MAMDC4: variants seen among roughly 807,000 people sequenced by gnomAD.
MAMDC4 encodes the protein apical endosomal glycoprotein.
In MAMDC4, 168 loss-of-function variants were observed where a neutral mutation model predicts 153.3. The observed-to-expected ratio is 1.10, with a 90% confidence interval of 0.97 to 1.25. The LOEUF (loss-of-function observed/expected upper bound fraction) is 1.25, where lower values mean the gene tolerates loss of function less well. Among genes scored for constraint, MAMDC4 ranks in the 50% most tolerant of loss-of-function variants. The pLI is 0.00. For missense variants in MAMDC4, 1,701 were observed against 1,542.8 expected (o/e 1.10, Z -1.72); for synonymous variants, 744 against 651.5 (o/e 1.14, Z -2.16).
Position 136,856,698 on chromosome 9 carries a change from C to T in MAMDC4, c.1721-12C>T, listed in dbSNP as rs1468645189. 6.2e-6 allele frequency: 10 copies of T among 1,611,452 alleles called. No homozygotes were observed. Among genetic ancestry groups the T allele is most frequent in the Non-Finnish European group, 8.5e-6 (10 of 1,179,004 alleles). The stretch of plus-strand genomic sequence containing the variant: ...GGAGAAGGTGTGTGACGCCACCTGG[C>T]CCCACCCCCAGAGGTCTCCTGTAAC... On this transcript the variant is annotated splice_polypyrimidine_tract_variant and intron_variant, in intron 14 of 26. Transcript: ENST00000317446.
chr9:136,860,207 C>T (rs1028230583), intron 26 of MAMDC4, 143 bp downstream of exon 26: 4 of 998,348 alleles, frequency 4.0e-6, no homozygotes, highest in East Asian at 2.6e-5. Flanking sequence ...CCTGCCTCTC[C>T]CAGCCACCAC....
chr9:136,852,570 G>A (rs1848942048), intron 1 of MAMDC4, 108 bp downstream of exon 1: 5 of 1,399,720 alleles, frequency 3.6e-6, no homozygotes, highest in African/African-American at 1.4e-5. Flanking sequence ...AGCCCCAAAG[G>A]GAAGGAGGGT....
In MAMDC4 at chr9:136,858,749, T is replaced by C. The variant is rs774225965; in HGVS notation, c.2852T>C (p.Leu951Pro). The part of the protein sequence containing the change: ...GHFAFFETGV[L>P]GPGGRAAWLR... The stretch of plus-strand genomic sequence containing the variant: ...TTTGCCTTCTTTGAAACTGGCGTGC[T>C]GGGCCCCGGGGGCCGGGCCGCCTGG... Residue 951 changes from leucine to proline, a missense_variant, in exon 23 of 27, where the codon CTG becomes CCG. Physicochemically the swap from Leu to Pro is moderately conservative, Grantham distance 98. Transcript: ENST00000317446. 1 of 1,611,654 alleles carries C rather than the reference T, an allele frequency of 6.2e-7. No homozygotes were observed. Among genetic ancestry groups the C allele is most frequent in the Admixed American group, 1.7e-5 (1 of 59,716 alleles).
chr9:136,859,713 C>T (rs1309791000), intron 25 of MAMDC4, 173 bp from the exon 26 acceptor site: 7 of 656,096 alleles, frequency 1.1e-5, no homozygotes, highest in Non-Finnish European at 2.6e-6. Context: ...ACAGCAGCTG[C>T]CTGTCTGCCA....
Position 136,856,994 on chromosome 9 carries a change from C to T in MAMDC4, c.1925C>T (p.Pro642Leu), listed in dbSNP as rs1205178049. The T allele has an allele frequency of 1.9e-6, 3 of 1,612,414 alleles. No homozygotes were observed. Among genetic ancestry groups the T allele is most frequent in the Non-Finnish European group, 2.5e-6 (3 of 1,179,826 alleles). The change falls in exon 16 of 27, where the codon CCC (proline) becomes CTC (leucine). Residue 642 changes from proline to leucine, a missense_variant. Pro to Leu is a moderately conservative substitution (Grantham distance 98). Coordinates refer to ENST00000317446, the MANE Select transcript of MAMDC4 (RefSeq NM_206920.3). ...LLSRPQVPAA[P>L]TECLSFWYHL... ...TCCAGGCCCCAGGTGCCAGCAGCAC[C>T]CACGGAGTGTCTCAGCTTCTGGTAC... is the stretch of plus-strand genomic sequence containing the variant.
intron 14 of MAMDC4, chr9:136,856,467 G>A (rs1849005187): frequency 1.3e-6 from 1 of 783,382 alleles, no homozygotes; most frequent in Non-Finnish European, 2.4e-6. Context: ...CATGAAGCTG[G>A]AGTTTGTCGG....
intron 25 of MAMDC4, 89 bp from the exon 26 acceptor site, chr9:136,859,797 G>T: frequency 7.0e-7 from 1 of 1,418,732 alleles, no homozygotes. Flanking sequence ...AGCCAGCAGA[G>T]GCTGAGGGAC....
intron 21 of MAMDC4, 29 bp downstream of exon 21, chr9:136,858,305 G>A: frequency 1.2e-6 from 2 of 1,600,750 alleles, no homozygotes. Context: ...CCTCGGCCCT[G>A]CTCTGGGGTG....
At position 136,859,883 on chromosome 9, in the gene MAMDC4, C is replaced by T; in HGVS notation, c.3194-3C>T. On this transcript the variant is annotated splice_polypyrimidine_tract_variant and splice_region_variant and intron_variant, in intron 25 of 26. Transcript: ENST00000317446. ...AGGGCTCACATGTCCCTATGGCCCA[C>T]AGGGAACACAGCCGCACCCGGGTCT... 1 of 1,611,454 alleles carries T rather than the reference C, an allele frequency of 6.2e-7. No individual in the cohort carries two copies. The highest frequency in any genetic ancestry group is 8.5e-7 in the Non-Finnish European group (1 of 1,179,908).
Position 136,852,444 on chromosome 9 carries a change from G to T in MAMDC4, c.28G>T (p.Ala10Ser). Reference sequence around the variant, plus strand: ...GCCTCTGTCCAGCCACCTGCTGCCCGCCTTGGTCCTGTTCCTGGGTAAGTA... The same window carrying T: ...GCCTCTGTCCAGCCACCTGCTGCCCTCCTTGGTCCTGTTCCTGGGTAAGTA... Reference protein sequence around the residue: MPLSSHLLPALVLFLAGSSG... With the variant: MPLSSHLLPSLVLFLAGSSG... Residue 10 changes from alanine to serine, a missense_variant, in exon 1 of 27, where the codon GCC (alanine) becomes TCC (serine). Coordinates refer to ENST00000317446, the MANE Select transcript of MAMDC4 (RefSeq NM_206920.3). 2 of 1,610,388 alleles carry T rather than the reference G, an allele frequency of 1.2e-6. No individual in the cohort carries two copies. Among genetic ancestry groups the T allele is most frequent in the Non-Finnish European group, 1.7e-6 (2 of 1,179,952 alleles).
rs780200805 is a variant in MAMDC4, at chr9:136,853,318, C to G, written c.188C>G (p.Pro63Arg). 1 of 1,604,096 alleles carries G rather than the reference C, an allele frequency of 6.2e-7. No individual in the cohort carries two copies. Among genetic ancestry groups the G allele is most frequent in the South Asian group, 1.1e-5 (1 of 90,474 alleles). ...YHGASPTLGA[P>R]FACDFEQDPC... ...GGGGCCTCGCCCACCCTGGGCGCCC[C>G]CTTCGCCTGTGACTTCGAGCAGGAC... The change falls in exon 3 of 27, where the codon CCC (proline) becomes CGC (arginine). Residue 63 changes from proline (P) to arginine (R), a missense_variant. By Grantham distance (103) the Pro-to-Arg change is moderately radical. Transcript: ENST00000317446.
At position 136,858,800 on chromosome 9, in the gene MAMDC4, C is replaced by G. The variant is rs775374615; in HGVS notation, c.2903C>G (p.Thr968Ser). 2 of 1,610,430 alleles carry G rather than the reference C, an allele frequency of 1.2e-6. No homozygotes were observed. Among genetic ancestry groups the G allele is most frequent in the Non-Finnish European group, 1.7e-6 (2 of 1,178,812 alleles). Reference protein sequence around the residue: ...AWLRSEPLPATPASCLRFWYH... With the variant: ...AWLRSEPLPASPASCLRFWYH... ...CTGCGCAGCGAGCCTCTGCCGGCCA[C>G]CCCAGCCTCCTGCCTCCGCTTCTGG... The change falls in exon 23 of 27, where the codon ACC becomes AGC. Residue 968 changes from threonine (T) to serine (S), a missense_variant. Thr to Ser is a moderately conservative substitution (Grantham distance 58, BLOSUM62 1). Coordinates refer to ENST00000317446, the MANE Select transcript of MAMDC4 (RefSeq NM_206920.3).
intron 10 of MAMDC4, 68 bp from the exon 11 acceptor site, chr9:136,855,186 G>A (rs2131234298): frequency 6.3e-7 from 1 of 1,578,392 alleles, no homozygotes; most frequent in East Asian, 2.3e-5. Context: ...GGTACCCACT[G>A]CGGGTGGACA....
chr9:136,857,342 G>A (rs1314602882), intron 17 of MAMDC4, 25 bp from the exon 18 acceptor site: 7 of 1,607,958 alleles, frequency 4.4e-6, no homozygotes, highest in South Asian at 1.1e-5. Flanking sequence ...AGGGCCCCTG[G>A]CCAGCTGACA....
chr9:136,858,561 G>C lies in MAMDC4; in HGVS notation c.2821+15G>C. On this transcript the variant is annotated intron_variant, in intron 22 of 26. Transcript: ENST00000317446. ...CACAGAGGCAGGTACGTGCCCACTG[G>C]AGCCAGGTGGGGAGGCACACACAGC... 6.4e-7 allele frequency: 1 copy of C among 1,563,316 alleles called. No individual in the cohort carries two copies. The highest frequency in any genetic ancestry group is 8.7e-7 in the Non-Finnish European group (1 of 1,154,986).
chr9:136,860,077 G>A lies in MAMDC4; in HGVS notation c.3372+13G>A, dbSNP rs2131240865. On this transcript the variant is annotated intron_variant, in intron 26 of 26. Transcript: ENST00000317446. Reference sequence around the variant, plus strand: ...CCTTTTCAATGCGGTAGGAGCCCCTGGGGATGGGTGGGCAGGAGCCTCTGT... The same window carrying A: ...CCTTTTCAATGCGGTAGGAGCCCCTAGGGATGGGTGGGCAGGAGCCTCTGT... 6.5e-7 allele frequency: 1 copy of A among 1,540,294 alleles called. No individual in the cohort carries two copies. The highest frequency in any genetic ancestry group is 8.8e-7 in the Non-Finnish European group (1 of 1,141,888).
At position 136,853,167 on chromosome 9, in the gene MAMDC4, T is replaced by C; in HGVS notation, c.112T>C (p.Phe38Leu). 1 of 1,612,802 alleles carries C rather than the reference T, an allele frequency of 6.2e-7. No individual in the cohort carries two copies. Among genetic ancestry groups the C allele is most frequent in the Non-Finnish European group, 8.5e-7 (1 of 1,179,964 alleles). ...CRSPGQAVCNFVCDCRDCSDE... is the reference protein window; with the variant it reads ...CRSPGQAVCNLVCDCRDCSDE... ...GAGCCCTGGCCAGGCCGTGTGCAACTTCGTGTGTGACTGCAGGGACTGCTC... is the reference window on the plus strand; with the variant it reads ...GAGCCCTGGCCAGGCCGTGTGCAACCTCGTGTGTGACTGCAGGGACTGCTC... Residue 38 changes from phenylalanine (F) to leucine (L), a missense_variant, in exon 2 of 27, where the codon TTC (phenylalanine) becomes CTC (leucine). By Grantham distance (22) the Phe-to-Leu change is conservative (BLOSUM62 0). Transcript: ENST00000317446.
Position 136,854,588 on chromosome 9 carries a change from C to T in MAMDC4, c.846C>T (p.Arg282=). ...DFETGLGPWN[R]SEGWSRNHRA... ...AGACAGGCCTGGGCCCATGGAACCGCTCGGAAGGCTGGTCCCGGAACCACC... is the reference window on the plus strand; with the variant it reads ...AGACAGGCCTGGGCCCATGGAACCGTTCGGAAGGCTGGTCCCGGAACCACC... The change falls in exon 8 of 27, where the codon CGC becomes CGT. Residue 282 remains arginine, a synonymous_variant. Coordinates refer to ENST00000317446, the MANE Select transcript of MAMDC4 (RefSeq NM_206920.3). The T allele has an allele frequency of 6.2e-7, 1 of 1,607,730 alleles. No individual in the cohort carries two copies. The highest frequency in any genetic ancestry group is 8.5e-7 in the Non-Finnish European group (1 of 1,177,944).
Position 136,855,099 on chromosome 9 carries a change from T to A in MAMDC4, c.1186T>A (p.Tyr396Asn). 1 of 1,578,010 alleles carries A rather than the reference T, an allele frequency of 6.3e-7. No individual in the cohort carries two copies. The highest frequency in any genetic ancestry group is 8.6e-7 in the Non-Finnish European group (1 of 1,162,346). Residue 396 changes from tyrosine to asparagine, a missense_variant, in exon 10 of 27, where the codon TAC becomes AAC. Coordinates refer to ENST00000317446, the MANE Select transcript of MAMDC4 (RefSeq NM_206920.3). ...VRDRVDIQSA[Y>N]PFQILLAGQT... ...AGACCGTGTTGACATCCAGAGCGCC[T>A]ACCCCTTCCAGGTAGGGAACAGCAA...
Sources: allele counts gnomAD v4.1 joint callset, GRCh38; gene constraint gnomAD v4.1.1; transcripts MANE v1.5; gene names NCBI Gene and HGNC (gene_info 2026-07-23, HGNC 2026-07-21).